RAB27B: variants seen among roughly 807,000 people sequenced by gnomAD.
The protein encoded by RAB27B is RAB27B, member RAS oncogene family, also known as ras-related protein Rab-27B.
RAB27B carries 15 observed loss-of-function variants against 24.6 expected under a neutral mutation model. The observed-to-expected ratio is 0.61, with a 90% CI of 0.41 to 0.94. The LOEUF (loss-of-function observed/expected upper bound fraction) is 0.94, where lower values mean the gene tolerates loss of function less well. RAB27B is among the 40% of genes least tolerant of loss of function. RAB27B has a pLI of 0.00. For missense variants in RAB27B, 261 were observed against 266.8 expected, an observed-to-expected ratio of 0.98 and a Z score of 0.15; for synonymous variants, 105 against 92.5, an observed-to-expected ratio of 1.14 and a Z score of -0.78.
At chr18:54,767,950 C>G (rs1331014966) in intron 2 of RAB27B, among the ~76,000 whole-genome samples, 2 of 152,088 alleles carry the variant, frequency 1.3e-5, no homozygotes, top group Non-Finnish European at 2.9e-5. Flanking sequence ...AAATAATGAT[C>G]AGGGATATAG....
At chr18:54,784,176 A>G (rs1217116467) in intron 2 of RAB27B, among the ~76,000 whole-genome samples, 1 of 152,198 alleles carries the variant, frequency 6.6e-6, no homozygotes, top group African/African-American at 2.4e-5. Flanking sequence ...CAGGGAATGA[A>G]GGAGAGAGGC....
intron 1 of RAB27B, among the ~76,000 whole-genome samples, chr18:54,846,454 C>G (rs1294450374): frequency 6.6e-6 from 1 of 152,128 alleles, no homozygotes. Context: ...CTCTATTTAT[C>G]TCCTCCCATG....
At chr18:54,766,668 G>A (rs1049835826) in intron 2 of RAB27B, among the ~76,000 whole-genome samples, 3 of 152,094 alleles carry the variant, frequency 2.0e-5, no homozygotes, top group Non-Finnish European at 4.4e-5. Context: ...AGACATAGGC[G>A]TAGTGTATGA....
At chr18:54,827,764 T>C (rs930113506), upstream of RAB27B, among the ~76,000 whole-genome samples, 1 of 152,216 alleles carries the variant, frequency 6.6e-6, no homozygotes, top group Admixed American at 6.5e-5. Flanking sequence ...TATTCTTACC[T>C]TTACTACCAG....
intron 2 of RAB27B, among the ~76,000 whole-genome samples, chr18:54,753,460 G>A (rs1419099873): frequency 6.6e-6 from 1 of 151,636 alleles, no homozygotes. Flanking sequence ...TTGCTGTGAG[G>A]GTAAAATCAG....
intron 2 of RAB27B, among the ~76,000 whole-genome samples, chr18:54,795,652 A>G (rs1433370937): frequency 1.3e-5 from 2 of 152,188 alleles, no homozygotes; most frequent in East Asian, 3.8e-4. Flanking sequence ...AGGCCTGGGC[A>G]TCCTTTCCTG....
intron 2 of RAB27B, among the ~76,000 whole-genome samples, chr18:54,757,917 A>C (rs1004040479): frequency 1.3e-5 from 2 of 152,134 alleles, no homozygotes; most frequent in Non-Finnish European, 2.9e-5. Context: ...AATACAAAAA[A>C]ATCACAAAAT....
chr18:54,888,176 G>C (rs562815716), intron 5 of RAB27B, 58 bp downstream of exon 5: 89 of 1,573,750 alleles, frequency 5.7e-5, no homozygotes, highest in Non-Finnish European at 7.7e-5. Context: ...AGCAAATGGA[G>C]CAGAGACATT....
intron 2 of RAB27B, among the ~76,000 whole-genome samples, chr18:54,817,578 T>TC (rs1910160244): frequency 2.0e-5 from 3 of 152,132 alleles, no homozygotes; most frequent in Admixed American, 1.3e-4. Context: ...ATTTAGTAAA[T>TC]AAGTCTCTTA....
At chr18:54,841,490 C>T (rs149396467) in intron 1 of RAB27B, among the ~76,000 whole-genome samples, 22 of 152,236 alleles carry the variant, frequency 1.4e-4, no homozygotes, top group Middle Eastern at 3.4e-3. Context: ...TCGAACCAAT[C>T]CCCGATGAAC....
chr18:54,857,098 C>G (rs1160310293), intron 1 of RAB27B, among the ~76,000 whole-genome samples: 1 of 152,144 alleles, frequency 6.6e-6, no homozygotes, highest in Non-Finnish European at 1.5e-5. Context: ...AGTCAGGAAC[C>G]AGAGAGACCA....
intron 2 of RAB27B, among the ~76,000 whole-genome samples, chr18:54,721,377 C>T (rs1021004062): frequency 2.0e-5 from 3 of 152,118 alleles, no homozygotes; most frequent in Admixed American, 6.6e-5. Context: ...AGGAAGTTAA[C>T]GCTAAGGAAA....
At chr18:54,847,013 GCTAATTTTTGTATTTTTA>G (rs1911367346) in intron 1 of RAB27B, among the ~76,000 whole-genome samples, 2 of 152,028 alleles carry the variant, frequency 1.3e-5, no homozygotes, top group Admixed American at 1.3e-4. Context: ...ACCACACATG[GCTAATTTTTGTATTTTTA>G]CTAGAGACAG....
intron 2 of RAB27B, among the ~76,000 whole-genome samples, chr18:54,721,606 C>G (rs1020636045): frequency 6.6e-6 from 1 of 151,956 alleles, no homozygotes; most frequent in Non-Finnish European, 1.5e-5. Context: ...CAAGTTATGT[C>G]CCCCCTTGCA....
intron 1 of RAB27B, among the ~76,000 whole-genome samples, chr18:54,861,457 G>A (rs1833289): frequency 0.2 from 30,273 of 152,024 alleles, 3,272 homozygotes; most frequent in East Asian, 0.41. Flanking sequence ...GCAATGAATC[G>A]TGCTGTGACT....
chr18:54,804,317 G>C (rs1458484092), intron 2 of RAB27B, among the ~76,000 whole-genome samples: 1 of 152,148 alleles, frequency 6.6e-6, no homozygotes, highest in Non-Finnish European at 1.5e-5. Flanking sequence ...TGTTGGTCAG[G>C]GGCAGGTAAT....
chr18:54,849,133 GTA>G (rs1911453293), intron 1 of RAB27B, among the ~76,000 whole-genome samples: 1 of 152,126 alleles, frequency 6.6e-6, no homozygotes, highest in African/African-American at 2.4e-5. Context: ...GGGAGAAAAT[GTA>G]TGGGGAATTC....
At chr18:54,788,509 G>A (rs1250616900) in intron 2 of RAB27B, among the ~76,000 whole-genome samples, 3 of 152,092 alleles carry the variant, frequency 2.0e-5, no homozygotes, top group Non-Finnish European at 4.4e-5. Flanking sequence ...CACCATGTTG[G>A]CCATGTTGGT....
chr18:54,753,488 C>A (rs1389335200), intron 2 of RAB27B, among the ~76,000 whole-genome samples: 1 of 152,094 alleles, frequency 6.6e-6, no homozygotes, highest in Non-Finnish European at 1.5e-5. Flanking sequence ...ATCTAATGTA[C>A]CCATCTCAGT....
Sources: gnomAD v4.1 joint callset for allele counts (sites outside exome capture counted in the v4.1 genomes callset) on GRCh38, gnomAD v4.1.1 for gene constraint, MANE v1.5 for transcripts, NCBI Gene and HGNC (gene_info 2026-07-23, HGNC 2026-07-21) for gene names.